NCKAP5: variants seen among roughly 807,000 people sequenced by gnomAD.
NCKAP5 encodes the protein NCK associated protein 5, also known as nck-associated protein 5.
In NCKAP5, 92 loss-of-function variants were observed where a neutral mutation model predicts 167.0. That is an observed-to-expected ratio of 0.55 (90% CI 0.47 to 0.66). The LOEUF (loss-of-function observed/expected upper bound fraction) is 0.66, where lower values mean the gene tolerates loss of function less well. Ranked by LOEUF, NCKAP5 falls within the 30% of genes least tolerant of loss-of-function variation. The pLI, the probability that NCKAP5 is intolerant of heterozygous loss-of-function variation, is 0.00. For missense variants in NCKAP5, 2,378 were observed against 2,315.0 expected (o/e 1.03, Z -0.56); for synonymous variants, 891 against 877.4 (o/e 1.02, Z -0.27).
At chr2:133,010,865 T>C (rs1322969630) in intron 6 of NCKAP5, among the ~76,000 whole-genome samples, 5 of 152,026 alleles carry the variant, frequency 3.3e-5, no homozygotes, top group African/African-American at 4.8e-5. Context: ...AAATTGTCAA[T>C]GGTACAAAAA....
At chr2:133,415,379 T>C (rs1468203931) in intron 3 of NCKAP5, among the ~76,000 whole-genome samples, 7 of 152,244 alleles carry the variant, frequency 4.6e-5, no homozygotes, top group Admixed American at 3.9e-4. Context: ...TCATTTCATA[T>C]GAAACACGGA....
intron 11 of NCKAP5, among the ~76,000 whole-genome samples, chr2:132,808,847 A>G (rs961029896): frequency 6.6e-6 from 1 of 151,790 alleles, no homozygotes; most frequent in Non-Finnish European, 1.5e-5. Flanking sequence ...TAGTTCCTTG[A>G]GGTGTGACCT....
intron 6 of NCKAP5, among the ~76,000 whole-genome samples, chr2:133,014,959 T>C (rs924084236): frequency 3.3e-5 from 5 of 152,366 alleles, no homozygotes; most frequent in African/African-American, 9.6e-5. Context: ...CAGTTTTATA[T>C]GGTTCAACCT....
intron 5 of NCKAP5, among the ~76,000 whole-genome samples, chr2:133,142,477 A>G (rs546990665): frequency 6.6e-6 from 1 of 152,202 alleles, no homozygotes; most frequent in East Asian, 1.9e-4. Context: ...AGTGTCAGAA[A>G]TTGTGTTCTC....
intron 3 of NCKAP5, among the ~76,000 whole-genome samples, chr2:133,368,813 C>T (rs1263295544): frequency 6.6e-6 from 1 of 152,180 alleles, no homozygotes; most frequent in African/African-American, 2.4e-5. Context: ...TCATCTAAAT[C>T]TCAAATAAGA....
At chr2:132,727,233 C>A (rs1310417051) in intron 18 of NCKAP5, among the ~76,000 whole-genome samples, 2 of 152,108 alleles carry the variant, frequency 1.3e-5, no homozygotes, top group Admixed American at 6.5e-5. Context: ...TTCCTTTTTA[C>A]GTTCTTGGAA....
chr2:133,008,227 G>A (rs2078032937), intron 6 of NCKAP5, among the ~76,000 whole-genome samples: 1 of 151,978 alleles, frequency 6.6e-6, no homozygotes, highest in South Asian at 2.1e-4. Flanking sequence ...CACTATTGAG[G>A]CTCTTCTCTC....
chr2:133,583,553 G>A, the NCKAP5 span, among the ~76,000 whole-genome samples: 8 of 152,150 alleles, frequency 5.3e-5, no homozygotes, highest in Admixed American at 3.9e-4. Flanking sequence ...CCTTTATAGC[G>A]ATGCAAGCCT....
At chr2:133,150,533 TC>T (rs1393016857) in intron 5 of NCKAP5, among the ~76,000 whole-genome samples, 1 of 152,196 alleles carries the variant, frequency 6.6e-6, no homozygotes, top group African/African-American at 2.4e-5. Flanking sequence ...AGGAGCACTT[TC>T]TGTCGGTGAG....
At chr2:133,563,943 G>A (rs958346816) in intron 1 of NCKAP5, among the ~76,000 whole-genome samples, 3 of 152,142 alleles carry the variant, frequency 2.0e-5, no homozygotes, top group Non-Finnish European at 4.4e-5. Flanking sequence ...AGACCAGCCC[G>A]GCTAACATGG....
chr2:133,586,751 TCACACACACACACACACA>T, the NCKAP5 span, among the ~76,000 whole-genome samples: 13 of 141,028 alleles, frequency 9.2e-5, no homozygotes, highest in South Asian at 9.6e-4. Flanking sequence ...GACAGCAATA[TCACACACACACACACACA>T]CACACACACA....
intron 3 of NCKAP5, among the ~76,000 whole-genome samples, chr2:133,330,052 C>T (rs1324718875): frequency 7.9e-6 from 1 of 125,968 alleles, no homozygotes; most frequent in Non-Finnish European, 1.7e-5. Context: ...GAAAGCAAGA[C>T]CTTTTTTTTT....
chr2:133,587,098 C>T, the NCKAP5 span, among the ~76,000 whole-genome samples: 2 of 152,170 alleles, frequency 1.3e-5, no homozygotes, highest in African/African-American at 4.8e-5. Flanking sequence ...ACCTGACGTC[C>T]TCACCTTTTC....
In NCKAP5 at chr2:133,094,065, A is replaced by C. The variant is rs2081272112; in HGVS notation, c.341+35913T>G. The stretch of plus-strand genomic sequence containing the variant: ...GGTAGGCACTCCAGTTGACTGAAGG[A>C]CACACAGGGGGTTTCAGGCAATGGC... On this transcript the variant is annotated intron_variant, in intron 6 of 19. Transcript: ENST00000409261. Among the ~76,000 whole-genome samples, 4 of 152,194 alleles carry C rather than the reference A, an allele frequency of 2.6e-5. No individual in the cohort carries two copies. The South Asian group carries it at 8.3e-4, about 31-fold the overall frequency.
chr2:133,583,382 C>T, the NCKAP5 span, among the ~76,000 whole-genome samples: 1 of 152,138 alleles, frequency 6.6e-6, no homozygotes, highest in Admixed American at 6.5e-5. Context: ...ATCCTTGCTC[C>T]TGCTATGGGA....
chr2:132,963,621 CAAAAG>C (rs2076580742), intron 8 of NCKAP5, 94 bp downstream of exon 8: 2 of 1,278,542 alleles, frequency 1.6e-6, no homozygotes, highest in African/African-American at 1.5e-5. Flanking sequence ...TGGGAGAACT[CAAAAG>C]GGAAGATTTA....
intron 6 of NCKAP5, chr2:133,122,329 G>A (rs2082276349): frequency 6.6e-6 from 1 of 152,186 alleles, no homozygotes; most frequent in Non-Finnish European, 1.5e-5. Flanking sequence ...AGGAAAAAAT[G>A]TGTTGGAGTA....
intron 3 of NCKAP5, among the ~76,000 whole-genome samples, chr2:133,406,862 T>A (rs548823594): frequency 6.6e-6 from 1 of 152,334 alleles, no homozygotes; most frequent in South Asian, 2.1e-4. Context: ...AAGCCCCACC[T>A]TGCCCTTCCT....
intron 4 of NCKAP5, among the ~76,000 whole-genome samples, chr2:133,222,369 C>T (rs752981664): frequency 1.4e-4 from 21 of 152,026 alleles, no homozygotes; most frequent in African/African-American, 4.6e-4. Context: ...TATACTTCTG[C>T]AAAAGTCTTT....
Sources: allele counts gnomAD v4.1 joint callset (sites outside exome capture counted in the v4.1 genomes callset), GRCh38; gene constraint gnomAD v4.1.1; transcripts MANE v1.5; gene names NCBI Gene and HGNC (gene_info 2026-07-23, HGNC 2026-07-21).